NOL4: variants seen among roughly 807,000 people sequenced by gnomAD.
NOL4 encodes nucleolar protein 4.
NOL4 carries 17 observed loss-of-function variants against 75.9 expected under a neutral mutation model. The ratio of observed to expected loss-of-function variants is 0.22; its 90% CI spans 0.15 to 0.34. The LOEUF is 0.34. Among genes scored for constraint, NOL4 ranks in the 10% least tolerant of loss-of-function variants. The probability of loss-of-function intolerance (pLI) is 1.00; values close to 1 mark genes in which losing one functional copy is unlikely to be tolerated. For missense variants in NOL4, 614 were observed against 793.5 expected (o/e 0.77, Z 2.72); for synonymous variants, 292 against 289.9 (o/e 1.01, Z -0.07).
chr18:34,210,266 T>C lies in NOL4; in HGVS notation c.264+12724A>G, dbSNP rs529548667. ...CATTGTCTGTAATTTCCAGTTTCAA[T>C]TACTTTAAAGTAGAATGGGAAGTTA... On this transcript the variant is annotated intron_variant, in intron 1 of 10. Transcript: ENST00000261592. 3.9e-5 allele frequency among the ~76,000 whole-genome samples: 6 copies of C among 152,330 alleles called. No homozygotes were observed. The South Asian group carries it at 1.2e-3, about 32-fold the overall frequency.
rs1244216514 is a variant in NOL4, at chr18:33,974,670, A to G, written c.1057-16252T>C. On this transcript the variant is annotated intron_variant, in intron 6 of 10. Transcript: ENST00000261592. ...TACATTGCAAGAATCGCCAAAATGC[A>G]ACACAGAGACACAAAGGGAGCACAT... Among the ~76,000 whole-genome samples, 8 of 152,316 alleles carry G rather than the reference A, an allele frequency of 5.3e-5. No homozygotes were observed. The East Asian group carries it at 1.5e-3, about 29-fold the overall frequency.
At chr18:33,941,987 G>A (rs2068522734) in intron 9 of NOL4, among the ~76,000 whole-genome samples, 1 of 151,860 alleles carries the variant, frequency 6.6e-6, no homozygotes, top group South Asian at 2.1e-4. Context: ...GACTAATACT[G>A]TATTTTTCAT....
chr18:34,024,654 A>G (rs139498936), intron 5 of NOL4, among the ~76,000 whole-genome samples: 1 of 152,210 alleles, frequency 6.6e-6, no homozygotes, highest in East Asian at 1.9e-4. Context: ...TCTGCAACAC[A>G]AAGCAGGTAA....
At chr18:34,060,534 C>T (rs1386912893) in intron 5 of NOL4, among the ~76,000 whole-genome samples, 1 of 152,062 alleles carries the variant, frequency 6.6e-6, no homozygotes, top group Admixed American at 6.5e-5. Context: ...TCTGTCTTCC[C>T]CACACCCTTC....
intron 9 of NOL4, among the ~76,000 whole-genome samples, chr18:33,941,931 C>T (rs373291367): frequency 1.1e-4 from 16 of 152,004 alleles, no homozygotes; most frequent in African/African-American, 2.4e-4. Context: ...ACTGGTGGCA[C>T]GATTAGCACA....
intron 6 of NOL4, among the ~76,000 whole-genome samples, chr18:33,991,932 C>A (rs1312448354): frequency 6.8e-6 from 1 of 148,034 alleles, no homozygotes; most frequent in Non-Finnish European, 1.5e-5. Flanking sequence ...AAAATGAAGT[C>A]CTAGGTTTTT....
chr18:33,911,445 TG>T (rs2066400087), intron 9 of NOL4, among the ~76,000 whole-genome samples: 1 of 152,150 alleles, frequency 6.6e-6, no homozygotes, highest in Non-Finnish European at 1.5e-5. Context: ...TTCTATTTTT[TG>T]TCTATTTAAA....
At chr18:34,047,095 G>A (rs2076413588) in intron 5 of NOL4, among the ~76,000 whole-genome samples, 1 of 152,020 alleles carries the variant, frequency 6.6e-6, no homozygotes, top group African/African-American at 2.4e-5. Context: ...AACATATGAA[G>A]ATAATAATTT....
chr18:34,205,166 G>A (rs916278077), intron 1 of NOL4, among the ~76,000 whole-genome samples: 1 of 152,066 alleles, frequency 6.6e-6, no homozygotes, highest in African/African-American at 2.4e-5. Context: ...TCAAGCTTCA[G>A]AAACTTAAAG....
At chr18:34,146,853 A>G (rs1488294858) in intron 1 of NOL4, among the ~76,000 whole-genome samples, 2 of 152,134 alleles carry the variant, frequency 1.3e-5, no homozygotes, top group Admixed American at 6.5e-5. Context: ...AACCATGAAC[A>G]TGGAATGTTT....
chr18:34,144,335 G>A (rs746404808), intron 1 of NOL4, among the ~76,000 whole-genome samples: 1 of 152,042 alleles, frequency 6.6e-6, no homozygotes, highest in Non-Finnish European at 1.5e-5. Flanking sequence ...CATTCAAGAT[G>A]AGTAAATGAC....
chr18:34,222,555 T>C (rs1446359004), intron 1 of NOL4: 1 of 621,956 alleles, frequency 1.6e-6, no homozygotes, highest in Non-Finnish European at 2.0e-6. Context: ...CTGTAGACTA[T>C]CGATCAGACT....
At chr18:33,872,162 C>A (rs1164905519) in intron 10 of NOL4, among the ~76,000 whole-genome samples, 1 of 151,960 alleles carries the variant, frequency 6.6e-6, no homozygotes, top group Non-Finnish European at 1.5e-5. Flanking sequence ...AGCTCAGTGT[C>A]AAAAATGTGG....
intron 9 of NOL4, among the ~76,000 whole-genome samples, chr18:33,922,336 A>G (rs1373781441): frequency 2.0e-5 from 3 of 152,236 alleles, no homozygotes; most frequent in African/African-American, 7.2e-5. Context: ...CATCACTGAT[A>G]CCAGATTGTT....
chr18:34,128,573 A>C (rs2080486580), intron 2 of NOL4, among the ~76,000 whole-genome samples: 1 of 151,928 alleles, frequency 6.6e-6, no homozygotes, highest in Admixed American at 6.6e-5. Context: ...CATTATCATT[A>C]GTCATGAAAA....
chr18:34,172,774 G>A (rs573691728), intron 1 of NOL4, among the ~76,000 whole-genome samples: 1 of 152,156 alleles, frequency 6.6e-6, no homozygotes, highest in Non-Finnish European at 1.5e-5. Context: ...TAGTGATGCT[G>A]ATGAACTTTT....
chr18:34,083,633 G>C lies in NOL4; in HGVS notation c.772+9832C>G, dbSNP rs2078109205. Among the ~76,000 whole-genome samples the C allele has an allele frequency of 2.0e-5, 3 of 152,170 alleles. No individual in the cohort carries two copies. The South Asian group carries it at 6.2e-4, about 32-fold the overall frequency. ...ACAAATATAGAAAAGGTTGTCCAAA[G>C]TTGTCAATAATACTTAAATAATGTT... On this transcript the variant is annotated intron_variant, in intron 5 of 10. Transcript: ENST00000261592.
chr18:33,998,838 C>T (rs918792117), intron 6 of NOL4, among the ~76,000 whole-genome samples: 1 of 152,166 alleles, frequency 6.6e-6, no homozygotes, highest in East Asian at 1.9e-4. Flanking sequence ...ATAGATGGCC[C>T]TTGAAATGTA....
intron 7 of NOL4, among the ~76,000 whole-genome samples, chr18:33,957,965 T>C (rs1474409300): frequency 6.6e-6 from 1 of 152,142 alleles, no homozygotes; most frequent in Non-Finnish European, 1.5e-5. Flanking sequence ...GGGCGTACTC[T>C]TCCGAGGACT....
Sources: allele counts gnomAD v4.1 joint callset (sites outside exome capture counted in the v4.1 genomes callset), GRCh38; gene constraint gnomAD v4.1.1; transcripts MANE v1.5; gene names NCBI Gene and HGNC (gene_info 2026-07-23, HGNC 2026-07-21).